The following PHACTR1 variants were observed in gnomAD, a reference collection of about 807,000 sequenced individuals.
The protein encoded by PHACTR1 is phosphatase and actin regulator 1, also known as RPEL repeat containing 1.
In PHACTR1, 16 loss-of-function variants were observed where a neutral mutation model predicts 69.2. The ratio of observed to expected loss-of-function variants is 0.23; its 90% confidence interval spans 0.16 to 0.35. The LOEUF is 0.35. Ranked by LOEUF, PHACTR1 falls within the 10% of genes least tolerant of loss-of-function variation. The probability of loss-of-function intolerance (pLI) is 1.00; values close to 1 mark genes in which losing one functional copy is unlikely to be tolerated. For missense variants in PHACTR1, 510 were observed against 734.7 expected (o/e 0.69, Z 3.54); for synonymous variants, 312 against 284.5 (o/e 1.10, Z -0.97).
chr6:12,752,565 G>C (rs994012275), intron 4 of PHACTR1, among the ~76,000 whole-genome samples: 1 of 152,124 alleles, frequency 6.6e-6, no homozygotes, highest in African/African-American at 2.4e-5. Context: ...TGATATTTTA[G>C]AGGTTTAGCA....
chr6:13,181,041 C>T (rs1012799527), intron 6 of PHACTR1, among the ~76,000 whole-genome samples: 4 of 151,796 alleles, frequency 2.6e-5, no homozygotes, highest in Non-Finnish European at 5.9e-5. Flanking sequence ...TTACACTGTC[C>T]GCTTCAGATG....
intron 4 of PHACTR1, among the ~76,000 whole-genome samples, chr6:12,884,388 A>T (rs2127459681): frequency 6.6e-6 from 1 of 151,850 alleles, no homozygotes; most frequent in Non-Finnish European, 1.5e-5. Context: ...ACAAGTACAT[A>T]ATTGGTTTAC....
intron 4 of PHACTR1, among the ~76,000 whole-genome samples, chr6:13,027,229 T>A (rs185322069): frequency 3.3e-5 from 5 of 152,140 alleles, no homozygotes; most frequent in Admixed American, 6.5e-5. Context: ...ATATTCAGAG[T>A]CACTATTTGT....
At chr6:12,822,744 C>T (rs981618126) in intron 4 of PHACTR1, among the ~76,000 whole-genome samples, 3 of 152,168 alleles carry the variant, frequency 2.0e-5, no homozygotes, top group Non-Finnish European at 4.4e-5. Context: ...TAGCCAGAAG[C>T]AGCCCAAAAC....
chr6:12,829,476 T>A (rs535312402), intron 4 of PHACTR1, among the ~76,000 whole-genome samples: 1 of 152,196 alleles, frequency 6.6e-6, no homozygotes, highest in African/African-American at 2.4e-5. Flanking sequence ...AGTATTTGAG[T>A]AGGTGAGTGA....
chr6:13,066,248 T>A (rs985713472), intron 5 of PHACTR1, among the ~76,000 whole-genome samples: 20 of 152,202 alleles, frequency 1.3e-4, no homozygotes, highest in African/African-American at 4.8e-4. Flanking sequence ...TGATATCCTC[T>A]TGTCTTCTAG....
At chr6:13,020,731 T>A (rs1444761259) in intron 4 of PHACTR1, among the ~76,000 whole-genome samples, 1 of 152,228 alleles carries the variant, frequency 6.6e-6, no homozygotes, top group Non-Finnish European at 1.5e-5. Context: ...TTTCTAGTGC[T>A]GAGAACGGTG....
chr6:13,205,237 C>T (rs918292119), intron 7 of PHACTR1, among the ~76,000 whole-genome samples: 1 of 152,134 alleles, frequency 6.6e-6, no homozygotes, highest in Non-Finnish European at 1.5e-5. Flanking sequence ...TAACAACCCA[C>T]TCTTCCTTGG....
At chr6:13,194,984 G>A (rs540861328) in intron 7 of PHACTR1, among the ~76,000 whole-genome samples, 1 of 152,024 alleles carries the variant, frequency 6.6e-6, no homozygotes, top group East Asian at 1.9e-4. Context: ...CCAGGTTTGG[G>A]GCATTTCACA....
chr6:12,982,840 C>CA (rs961897397), intron 4 of PHACTR1, among the ~76,000 whole-genome samples: 1 of 151,986 alleles, frequency 6.6e-6, no homozygotes, highest in African/African-American at 2.4e-5. Context: ...TCCTGACTCT[C>CA]AAAAAAATGC....
intron 7 of PHACTR1, among the ~76,000 whole-genome samples, chr6:13,201,385 C>G (rs748962803): frequency 2.0e-5 from 3 of 152,116 alleles, no homozygotes; most frequent in Non-Finnish European, 4.4e-5. Flanking sequence ...AGAGAAGGAG[C>G]GTGGTTATCG....
intron 5 of PHACTR1, among the ~76,000 whole-genome samples, chr6:13,058,039 G>A (rs1394780280): frequency 6.6e-6 from 1 of 152,138 alleles, no homozygotes; most frequent in Non-Finnish European, 1.5e-5. Context: ...CTTTCAGTCT[G>A]CCCTCCGAGG....
In PHACTR1 at chr6:13,074,833, A is replaced by T. The variant is rs570031585; in HGVS notation, c.415+21304A>T. The stretch of plus-strand genomic sequence containing the variant: ...ATGAAGAAGACGTCTATCTTCAGAT[A>T]CGGAGAGGACTTTAAGATACACAGT... On this transcript the variant is annotated intron_variant, in intron 5 of 14. Coordinates refer to ENST00000332995, the MANE Select transcript of PHACTR1 (RefSeq NM_030948.6). Among the ~76,000 whole-genome samples, 190 of 152,344 alleles carry T rather than the reference A, an allele frequency of 1.2e-3. 1 individual carries two copies. The highest frequency in any genetic ancestry group is 2.0e-3 in the Non-Finnish European group (136 of 68,022).
chr6:13,264,502 C>T (rs1776336025), intron 10 of PHACTR1, among the ~76,000 whole-genome samples: 1 of 151,734 alleles, frequency 6.6e-6, no homozygotes, highest in East Asian at 1.9e-4. Context: ...GGTGGATCAC[C>T]TGAGGTCAGG....
At chr6:12,800,367 A>T (rs904776079) in intron 4 of PHACTR1, among the ~76,000 whole-genome samples, 2 of 152,228 alleles carry the variant, frequency 1.3e-5, no homozygotes, top group Admixed American at 6.5e-5. Flanking sequence ...TGAGTGGGCA[A>T]CACATGCAGG....
chr6:13,004,317 AT>A (rs1189505568), intron 4 of PHACTR1, among the ~76,000 whole-genome samples: 1 of 152,098 alleles, frequency 6.6e-6, no homozygotes, highest in Non-Finnish European at 1.5e-5. Flanking sequence ...AATAATAGCC[AT>A]TCTGACTGGT....
At chr6:13,007,531 G>A (rs1466822546) in intron 4 of PHACTR1, among the ~76,000 whole-genome samples, 4 of 151,960 alleles carry the variant, frequency 2.6e-5, no homozygotes, top group Non-Finnish European at 5.9e-5. Context: ...GGATATTAGC[G>A]ATACAGGCTT....
chr6:12,952,308 T>G (rs1394922841), intron 4 of PHACTR1, among the ~76,000 whole-genome samples: 2 of 152,208 alleles, frequency 1.3e-5, no homozygotes, highest in Admixed American at 6.5e-5. Flanking sequence ...GGATAAATGT[T>G]TAATGACATG....
rs116407099 is a variant in PHACTR1 at position 12,893,645 on chromosome 6, C to G, written c.250+143855C>G. Among the ~76,000 whole-genome samples, 641 of 151,924 alleles carry G rather than the reference C, an allele frequency of 4.2e-3. 10 individuals are homozygous for G. The highest frequency in any genetic ancestry group is 0.015 in the African/African-American group (609 of 41,402). On this transcript the variant is annotated intron_variant, in intron 4 of 14. Transcript: ENST00000332995. The stretch of plus-strand genomic sequence containing the variant: ...TATTATTATCTTTCAACCATTCTGT[C>G]AGCCCCTCTTTTCCAGCCCTCAGAC...
Sources: gnomAD v4.1 joint callset for allele counts (sites outside exome capture counted in the v4.1 genomes callset) on GRCh38, gnomAD v4.1.1 for gene constraint, MANE v1.5 for transcripts, NCBI Gene and HGNC (gene_info 2026-07-23, HGNC 2026-07-21) for gene names.